ASTE1: variants seen among roughly 807,000 people sequenced by gnomAD.
ASTE1 encodes single-strand DNA endonuclease ASTE1.
A neutral mutation model predicts 45.8 loss-of-function variants in ASTE1; 49 were observed. The observed-to-expected ratio is 1.07, with a 90% CI of 0.85 to 1.36. ASTE1 has a LOEUF of 1.36. Ranked by LOEUF, ASTE1 falls within the 40% of genes most tolerant of loss-of-function variation. The pLI is 0.00. For synonymous variants in ASTE1, 296 were observed against 303.9 expected (o/e 0.97, Z 0.27); for missense variants, 709 against 804.0 (o/e 0.88, Z 1.43).
At chr3:131,020,350 G>C (rs1402180475) in intron 3 of ASTE1, among the ~76,000 whole-genome samples, 1 of 152,176 alleles carries the variant, frequency 6.6e-6, no homozygotes, top group Non-Finnish European at 1.5e-5. Context: ...TCTTCCCCAG[G>C]GGGAGCGAAA....
In ASTE1 at chr3:131,024,925, T is replaced by C; in HGVS notation, c.382A>G (p.Ile128Val). ...TGGACAAAACACACCCGCAGCTTGATCAAAACCTGTATGAATACTTCCCGG... is the reference window on the plus strand; with the variant it reads ...TGGACAAAACACACCCGCAGCTTGACCAAAACCTGTATGAATACTTCCCGG... Reference protein sequence around the residue: ...LIREVFIQVLIKLRVCFVQCF... With the variant: ...LIREVFIQVLVKLRVCFVQCF... Residue 128 changes from isoleucine to valine, a missense_variant, in exon 3 of 6, where the codon ATC (isoleucine) becomes GTC (valine). Ile to Val is a conservative substitution (Grantham distance 29). Transcript: ENST00000264992. 1 of 1,613,910 alleles carries C rather than the reference T, an allele frequency of 6.2e-7. No individual in the cohort carries two copies. Among genetic ancestry groups the C allele is most frequent in the Non-Finnish European group, 8.5e-7 (1 of 1,179,896 alleles).
chr3:131,020,432 C>G (rs2063727580), intron 3 of ASTE1, among the ~76,000 whole-genome samples: 1 of 152,212 alleles, frequency 6.6e-6, no homozygotes, highest in Admixed American at 6.5e-5. Context: ...GGCTGCCTTA[C>G]TCCTTAAGAA....
chr3:131,024,976 T>G lies in ASTE1; in HGVS notation c.331A>C (p.Ser111Arg). The stretch of plus-strand genomic sequence containing the variant: ...ATGAGTAAGGGACATACGTACCCAC[T>G]CCCACCAACAGAAAGGGAATGGGCC... ...QMAHSLSVGGSGYVCPLLIRE... is the reference protein window; with the variant it reads ...QMAHSLSVGGRGYVCPLLIRE... Residue 111 changes from serine to arginine, a missense_variant, in exon 3 of 6, where the codon AGT becomes CGT. Coordinates refer to ENST00000264992, the MANE Select transcript of ASTE1 (RefSeq NM_014065.4). 2 of 1,603,518 alleles carry G rather than the reference T, an allele frequency of 1.2e-6. No individual in the cohort carries two copies. Among genetic ancestry groups the G allele is most frequent in the Non-Finnish European group, 1.7e-6 (2 of 1,174,182 alleles).
chr3:131,021,322 G>A (rs1343386728), intron 3 of ASTE1, among the ~76,000 whole-genome samples: 1 of 152,084 alleles, frequency 6.6e-6, no homozygotes, highest in Non-Finnish European at 1.5e-5. Context: ...CTCATAAGCT[G>A]TGTAATGAAA....
chr3:131,019,881 C>G (rs2063719397), intron 3 of ASTE1, among the ~76,000 whole-genome samples: 1 of 152,038 alleles, frequency 6.6e-6, no homozygotes, highest in Admixed American at 6.6e-5. Context: ...TATTGTGATA[C>G]AAATTTTAAA....
intron 3 of ASTE1, 23 bp from the exon 4 acceptor site, chr3:131,018,739 C>A (rs779758381): frequency 6.2e-7 from 1 of 1,606,306 alleles, no homozygotes; most frequent in Admixed American, 1.7e-5. Flanking sequence ...ACCAAGTATC[C>A]TGCAAGTTAC....
Position 131,016,262 on chromosome 3 carries a change from C to T in ASTE1, c.1591G>A (p.Gly531Ser), listed in dbSNP as rs763096917. 1.9e-6 allele frequency: 3 copies of T among 1,614,072 alleles called. No homozygotes were observed. Among genetic ancestry groups the T allele is most frequent in the East Asian group, 4.5e-5 (2 of 44,876 alleles). The change falls in exon 5 of 6, where the codon GGC (glycine) becomes AGC (serine). Residue 531 changes from glycine (G) to serine (S), a missense_variant. Physicochemically the swap from Gly to Ser is moderately conservative, Grantham distance 56. Transcript: ENST00000264992. ...FQRVKAQTRL[G>S]TRLDLDTAHI... ...GCTGTGTCTAAGTCCAGTCTTGTGCCCAGCCGTGTCTGCGCCTTCACTCTT... is the reference window on the plus strand; with the variant it reads ...GCTGTGTCTAAGTCCAGTCTTGTGCTCAGCCGTGTCTGCGCCTTCACTCTT...
At chr3:131,015,237 A>C (rs1290669515) in intron 5 of ASTE1, 2 of 702,286 alleles carry the variant, frequency 2.8e-6, no homozygotes, top group Admixed American at 4.0e-5. Context: ...TCCTCATTCA[A>C]AGTATTGAAG....
Position 131,024,371 on chromosome 3 carries a change from A to G in ASTE1, c.936T>C (p.Cys312=), listed in dbSNP as rs2063780482. 3.1e-6 allele frequency: 5 copies of G among 1,614,238 alleles called. No homozygotes were observed. The highest frequency in any genetic ancestry group is 4.2e-6 in the Non-Finnish European group (5 of 1,180,038). ...SQVKLQDFFQ[C]GTYVCPDALN... Reference sequence around the variant, plus strand: ...AGGCATCTGGACAGACATAAGTACCACACTGGAAGAAGTCCTGTAGCTTCA... The same window carrying G: ...AGGCATCTGGACAGACATAAGTACCGCACTGGAAGAAGTCCTGTAGCTTCA... Residue 312 remains cysteine (C), a synonymous_variant, in exon 3 of 6, where the codon TGT becomes TGC. Coordinates refer to ENST00000264992, the MANE Select transcript of ASTE1 (RefSeq NM_014065.4).
In ASTE1 at chr3:131,014,090, T is replaced by C. The variant is rs1156353768; in HGVS notation, c.2007A>G (p.Leu669=). The C allele has an allele frequency of 3.1e-6, 5 of 1,601,784 alleles. No individual in the cohort carries two copies. In the African/African-American group the frequency reaches 6.8e-5, roughly 22 times the overall value. ...NRFGLLMVEN[L]EEHSEASNIE ...TGTTGGAGGCCTCACTATGTTCCTC[T>C]AAGTTTTCAACCATTAACAACCCAA... The change falls in exon 6 of 6, where the codon TTA becomes TTG. Residue 669 remains leucine, a synonymous_variant. Transcript: ENST00000264992.
Position 131,024,071 on chromosome 3 carries a change from GA to G in ASTE1, c.1235del (p.Ile412ThrfsTer9). On this transcript the variant is annotated frameshift_variant, in exon 3 of 6. Transcript: ENST00000264992. LOFTEE classifies it high-confidence loss of function. ...CTACTGCATCAATGATTGAGGTTCT[GA>G]TATTTTTATTAATCCTTTCCACTTC... ...FSEVERINKN[I>X]RTSIIDAVEL... 6.2e-7 allele frequency: 1 copy of G among 1,614,100 alleles called. No homozygotes were observed. The highest frequency in any genetic ancestry group is 8.5e-7 in the Non-Finnish European group (1 of 1,179,918).
In ASTE1 at chr3:131,025,216, C is replaced by G; in HGVS notation, c.91G>C (p.Asp31His). The G allele has an allele frequency of 6.2e-7, 1 of 1,614,188 alleles. No individual in the cohort carries two copies. The highest frequency in any genetic ancestry group is 8.5e-7 in the Non-Finnish European group (1 of 1,180,028). The change falls in exon 3 of 6, where the codon GAT becomes CAT. Residue 31 changes from aspartate (D) to histidine (H), a missense_variant. Coordinates refer to ENST00000264992, the MANE Select transcript of ASTE1 (RefSeq NM_014065.4). ...AGACGGTGGAAAAGAGCATAACCATCAATGACAATTTTTGTGTCCCGCAAC... is the reference window on the plus strand; with the variant it reads ...AGACGGTGGAAAAGAGCATAACCATGAATGACAATTTTTGTGTCCCGCAAC... ...LKLRDTKIVI[D>H]GYALFHRLCF...
intron 4 of ASTE1, among the ~76,000 whole-genome samples, chr3:131,017,492 G>A (rs755947122): frequency 1.1e-4 from 17 of 152,148 alleles, no homozygotes; most frequent in South Asian, 6.2e-4. Flanking sequence ...CTTTGGCCAT[G>A]TGTGGCTAGT....
Position 131,024,525 on chromosome 3 carries a change from T to C in ASTE1, c.782A>G (p.Asn261Ser), listed in dbSNP as rs146499934. 71 of 1,614,136 alleles carry C rather than the reference T, an allele frequency of 4.4e-5. 1 individual carries two copies. In the African/African-American group the frequency reaches 8.0e-4, roughly 18 times the overall value. The change falls in exon 3 of 6, where the codon AAT (asparagine) becomes AGT (serine). Residue 261 changes from asparagine (N) to serine (S), a missense_variant. Physicochemically the swap from Asn to Ser is conservative, Grantham distance 46. Transcript: ENST00000264992. The stretch of plus-strand genomic sequence containing the variant: ...AGGGTTGGCAAAATGAGACAACCAA[T>C]TCAGAAGTCCCAGGATTCGGTGGTG... ...RRHHRILGLL[N>S]WLSHFANPTE... is the part of the protein sequence containing the mutation.
In ASTE1 at chr3:131,018,771, C is replaced by A. The variant is rs1382244638; in HGVS notation, c.1303-55G>T. The stretch of plus-strand genomic sequence containing the variant: ...TTACTTTGGGAAATGTCTGTTATTT[C>A]TTTTTTCCACCATAGCATGAAGAGA... On this transcript the variant is annotated intron_variant, in intron 3 of 5. Transcript: ENST00000264992. The A allele has an allele frequency of 6.4e-6, 10 of 1,554,728 alleles. No homozygotes were observed. In the Admixed American group the frequency reaches 8.6e-5, roughly 13 times the overall value.
At chr3:131,014,793 CCTA>C (rs1290769962) in intron 5 of ASTE1, among the ~76,000 whole-genome samples, 1 of 152,118 alleles carries the variant, frequency 6.6e-6, no homozygotes, top group African/African-American at 2.4e-5. Context: ...AGACTAAAAA[CCTA>C]CTTCACAAAT....
Position 131,021,622 on chromosome 3 carries a change from C to T in ASTE1, c.1302+2383G>A, listed in dbSNP as rs538950565. ...ATCTTCTTTGCATGGATGTATAGAC[C>T]TTGCAAAAATTTATCATGCTGTACG... is the stretch of plus-strand genomic sequence containing the variant. On this transcript the variant is annotated intron_variant, in intron 3 of 5. Coordinates refer to ENST00000264992, the MANE Select transcript of ASTE1 (RefSeq NM_014065.4). Among the ~76,000 whole-genome samples, 9 of 152,224 alleles carry T rather than the reference C, an allele frequency of 5.9e-5. 1 individual carries two copies. The highest frequency in any genetic ancestry group is 2.2e-4 in the African/African-American group (9 of 41,540).
In ASTE1 at chr3:131,024,105, G is replaced by A. The variant is rs1422329021; in HGVS notation, c.1202C>T (p.Ala401Val). 6.2e-7 allele frequency: 1 copy of A among 1,614,098 alleles called. No homozygotes were observed. Among genetic ancestry groups the A allele is most frequent in the African/African-American group, 1.3e-5 (1 of 74,934 alleles). Residue 401 changes from alanine (A) to valine (V), a missense_variant, in exon 3 of 6, where the codon GCT becomes GTT. By Grantham distance (64) the Ala-to-Val change is moderately conservative (BLOSUM62 0). Transcript: ENST00000264992. ...SWNALPPQPL[A>V]FSEVERINKN... ...ATTAATCCTTTCCACTTCACTGAAA[G>A]CTAGAGGCTGAGGAGGCAATGCATT...
intron 4 of ASTE1, among the ~76,000 whole-genome samples, chr3:131,017,557 C>G (rs143523740): frequency 4.8e-4 from 73 of 152,278 alleles, no homozygotes; most frequent in African/African-American, 1.7e-3. Context: ...CATGTTTATA[C>G]AGTGTTAGAG....
Sources: allele counts gnomAD v4.1 joint callset (sites outside exome capture counted in the v4.1 genomes callset), GRCh38; gene constraint gnomAD v4.1.1; transcripts MANE v1.5; gene names NCBI Gene and HGNC (gene_info 2026-07-23, HGNC 2026-07-21).